Variants in PSMF1 observed in about 807,000 individuals in gnomAD.
PSMF1 encodes proteasome inhibitor subunit 1, also known as proteasome inhibitor PI31 subunit.
In PSMF1, 30 loss-of-function variants were observed where a neutral mutation model predicts 29.3. The ratio of observed to expected loss-of-function variants is 1.02; its 90% CI spans 0.77 to 1.39. The LOEUF (loss-of-function observed/expected upper bound fraction) is 1.39, where lower values mean the gene tolerates loss of function less well. PSMF1 is among the 40% of genes most tolerant of loss of function. The pLI is 0.00. For synonymous variants in PSMF1, 134 were observed against 139.7 expected (o/e 0.96, Z 0.29); for missense variants, 344 against 357.5 (o/e 0.96, Z 0.31).
Position 1,118,794 on chromosome 20 carries a change from G to C in PSMF1, c.21G>C (p.Leu7=). ...CGCTCATGGCGGGCCTGGAGGTACT[G>C]TTCGCATCGGCAGCGCCGGCCATCA... MAGLEV[L]FASAAPAITC... is the part of the protein sequence containing the mutation. The change falls in exon 1 of 7, where the codon CTG becomes CTC. Residue 7 remains leucine, a synonymous_variant. Coordinates refer to ENST00000335877, the MANE Select transcript of PSMF1 (RefSeq NM_006814.5). 1 of 1,612,788 alleles carries C rather than the reference G, an allele frequency of 6.2e-7. No individual in the cohort carries two copies. The highest frequency in any genetic ancestry group is 1.1e-5 in the South Asian group (1 of 91,028).
intron 4 of PSMF1, among the ~76,000 whole-genome samples, chr20:1,158,033 A>G (rs910133147): frequency 6.6e-6 from 1 of 152,116 alleles, no homozygotes; most frequent in Admixed American, 6.5e-5. Flanking sequence ...CTGTTGACTT[A>G]AAGGTAGAGG....
upstream of PSMF1, among the ~76,000 whole-genome samples, chr20:1,116,425 T>C (rs1371226644): frequency 6.6e-6 from 1 of 152,170 alleles, no homozygotes; most frequent in African/African-American, 2.4e-5. Context: ...CCTCAGACCT[T>C]CTCATCCAGA....
chr20:1,131,619 T>C (rs777249171), intron 3 of PSMF1, among the ~76,000 whole-genome samples: 5 of 152,236 alleles, frequency 3.3e-5, no homozygotes, highest in Non-Finnish European at 7.3e-5. Flanking sequence ...CATAGCTTCC[T>C]CCATGTAGCC....
At chr20:1,142,872 T>C (rs2086401604) in intron 4 of PSMF1, among the ~76,000 whole-genome samples, 1 of 152,206 alleles carries the variant, frequency 6.6e-6, no homozygotes, top group Non-Finnish European at 1.5e-5. Flanking sequence ...GTTGAACTAG[T>C]TTACAGTCCC....
At chr20:1,151,030 CT>C (rs2086524217) in intron 4 of PSMF1, among the ~76,000 whole-genome samples, 1 of 152,208 alleles carries the variant, frequency 6.6e-6, no homozygotes, top group East Asian at 1.9e-4. Flanking sequence ...ACCTATGTTA[CT>C]TTAATAATTT....
At chr20:1,160,371 C>A (rs2086651163) in intron 4 of PSMF1, among the ~76,000 whole-genome samples, 1 of 152,088 alleles carries the variant, frequency 6.6e-6, no homozygotes, top group Admixed American at 6.6e-5. Flanking sequence ...CATGATGTTC[C>A]TAACTGGTCT....
upstream of PSMF1, among the ~76,000 whole-genome samples, chr20:1,116,623 G>A (rs1357612293): frequency 6.6e-6 from 1 of 152,224 alleles, no homozygotes; most frequent in African/African-American, 2.4e-5. Context: ...CTTTCAATAA[G>A]TATAGATTGA....
intron 3 of PSMF1, among the ~76,000 whole-genome samples, chr20:1,129,140 A>G (rs2086197985): frequency 6.6e-6 from 1 of 151,992 alleles, no homozygotes; most frequent in South Asian, 2.1e-4. Context: ...TGGCCTCCCA[A>G]AGTGCTGGGA....
Position 1,164,698 on chromosome 20 carries a change from G to C in PSMF1, c.764+222G>C, listed in dbSNP as rs183593077. ...CTCTCTTTCCCCAGCTCCACTCTGG[G>C]GAGGACTCAAAGTAGGAGGAACTAA... On this transcript the variant is annotated intron_variant, in intron 6 of 6. Transcript: ENST00000335877. This position sits in a 1 kb window ranked among gnomAD's most constrained non-coding sequence, Gnocchi z 4.1. Among the ~76,000 whole-genome samples, 266 of 152,266 alleles carry C rather than the reference G, an allele frequency of 1.7e-3. 1 individual carries two copies. The highest frequency in any genetic ancestry group is 2.4e-3 in the Non-Finnish European group (162 of 68,024).
intron 4 of PSMF1, among the ~76,000 whole-genome samples, chr20:1,137,668 A>G (rs1321367219): frequency 6.6e-6 from 1 of 152,210 alleles, no homozygotes; most frequent in African/African-American, 2.4e-5. Context: ...AGTCATACCA[A>G]CTAAAATGCA....
chr20:1,146,453 G>A (rs946296410), intron 4 of PSMF1, among the ~76,000 whole-genome samples: 3 of 152,120 alleles, frequency 2.0e-5, no homozygotes, highest in African/African-American at 7.2e-5. Context: ...GGCCAGATTT[G>A]GGGAAGCCCC....
intron 4 of PSMF1, among the ~76,000 whole-genome samples, chr20:1,137,596 T>G (rs1200594934): frequency 2.0e-5 from 3 of 146,956 alleles, no homozygotes; most frequent in Non-Finnish European, 4.5e-5. Context: ...TGACCTTGTT[T>G]TTTCAACAAA....
upstream of PSMF1, among the ~76,000 whole-genome samples, chr20:1,116,712 A>T (rs1458830213): frequency 6.6e-6 from 1 of 152,214 alleles, no homozygotes; most frequent in Non-Finnish European, 1.5e-5. Flanking sequence ...GTGGAAAGAC[A>T]GTCATTAAAT....
chr20:1,160,816 G>T, intron 4 of PSMF1: 2 of 447,226 alleles, frequency 4.5e-6, no homozygotes, highest in South Asian at 1.8e-5. Flanking sequence ...ATTTTCACCA[G>T]CTGGGAAGGC....
intron 1 of PSMF1, among the ~76,000 whole-genome samples, chr20:1,124,076 C>T (rs1188375795): frequency 1.3e-5 from 2 of 152,148 alleles, no homozygotes; most frequent in Non-Finnish European, 2.9e-5. Context: ...CTTTCCTTTG[C>T]AGCCATGGCA....
At chr20:1,155,319 C>T (rs2086581007) in intron 4 of PSMF1, among the ~76,000 whole-genome samples, 1 of 152,214 alleles carries the variant, frequency 6.6e-6, no homozygotes, top group Non-Finnish European at 1.5e-5. Flanking sequence ...ATTTACATCC[C>T]AGCCTGCAGC....
chr20:1,147,188 G>A (rs1194754225), intron 4 of PSMF1, among the ~76,000 whole-genome samples: 1 of 142,244 alleles, frequency 7.0e-6, no homozygotes, highest in Admixed American at 7.3e-5. Flanking sequence ...ACCACCCTGT[G>A]TTGAGGACAG....
At chr20:1,117,593 C>T (rs1333923432), upstream of PSMF1, among the ~76,000 whole-genome samples, 2 of 152,222 alleles carry the variant, frequency 1.3e-5, no homozygotes, top group Non-Finnish European at 1.5e-5. Flanking sequence ...ATCCGCCTGC[C>T]TCGGCCTCAC....
At chr20:1,128,557 A>G (rs929447768) in intron 3 of PSMF1, among the ~76,000 whole-genome samples, 6 of 152,240 alleles carry the variant, frequency 3.9e-5, no homozygotes, top group African/African-American at 1.4e-4. Flanking sequence ...TATGTTCCAC[A>G]AAAGATGTAG....
Sources: allele counts gnomAD v4.1 joint callset (sites outside exome capture counted in the v4.1 genomes callset), GRCh38; gene constraint gnomAD v4.1.1; non-coding constraint Gnocchi (gnomAD v3.1); transcripts MANE v1.5; gene names NCBI Gene and HGNC (gene_info 2026-07-23, HGNC 2026-07-21).